Variants in KITLG observed in about 807,000 individuals in gnomAD.
KITLG encodes c-Kit ligand.
KITLG carries 13 observed loss-of-function variants against 34.1 expected under a neutral mutation model. The ratio of observed to expected loss-of-function variants is 0.38; its 90% confidence interval spans 0.25 to 0.61. The LOEUF (loss-of-function observed/expected upper bound fraction) is 0.61. Ranked by LOEUF, KITLG falls within the 20% of genes least tolerant of loss-of-function variation. The pLI, the probability that KITLG is intolerant of heterozygous loss-of-function variation, is 0.60. For missense variants in KITLG, 292 were observed against 318.9 expected, an observed-to-expected ratio of 0.92 and a Z score of 0.64; for synonymous variants, 110 against 104.0, an observed-to-expected ratio of 1.06 and a Z score of -0.35.
intron 6 of KITLG, among the ~76,000 whole-genome samples, chr12:88,512,136 A>C (rs1869299818): frequency 6.6e-6 from 1 of 152,222 alleles, no homozygotes; most frequent in Non-Finnish European, 1.5e-5. Flanking sequence ...TATTATATTT[A>C]AGTGACAAAA....
intron 4 of KITLG, among the ~76,000 whole-genome samples, chr12:88,517,777 A>C (rs1308762765): frequency 1.3e-5 from 2 of 152,172 alleles, no homozygotes; most frequent in African/African-American, 4.8e-5. Flanking sequence ...GGTAAGAATT[A>C]TAAGATAGGA....
At chr12:88,536,808 G>A (rs1870335510) in intron 2 of KITLG, among the ~76,000 whole-genome samples, 1 of 152,022 alleles carries the variant, frequency 6.6e-6, no homozygotes, top group Admixed American at 6.6e-5. Flanking sequence ...CACAGGGAGG[G>A]AAACATCACA....
intron 1 of KITLG, among the ~76,000 whole-genome samples, chr12:88,560,194 C>T (rs1171436661): frequency 6.6e-6 from 1 of 152,162 alleles, no homozygotes; most frequent in African/African-American, 2.4e-5. Context: ...TCTATGAGAA[C>T]ATTACATGAC....
At chr12:88,533,926 G>T (rs548721654) in intron 2 of KITLG, among the ~76,000 whole-genome samples, 54 of 152,210 alleles carry the variant, frequency 3.5e-4, no homozygotes, top group African/African-American at 1.3e-3. Flanking sequence ...CCTACTTCCA[G>T]TAATGCCACC....
intron 3 of KITLG, among the ~76,000 whole-genome samples, chr12:88,531,088 A>T (rs1452107726): frequency 6.6e-6 from 1 of 152,228 alleles, no homozygotes; most frequent in Non-Finnish European, 1.5e-5. Context: ...AGTCAACATA[A>T]AACAACTTGT....
intron 2 of KITLG, among the ~76,000 whole-genome samples, chr12:88,534,987 A>C (rs1870255928): frequency 6.6e-6 from 1 of 152,200 alleles, no homozygotes; most frequent in African/African-American, 2.4e-5. Flanking sequence ...AGAAAAACGC[A>C]GCAAGAAGTG....
intron 1 of KITLG, among the ~76,000 whole-genome samples, chr12:88,565,898 C>T (rs181040471): frequency 6.6e-6 from 1 of 152,256 alleles, no homozygotes; most frequent in Non-Finnish European, 1.5e-5. Flanking sequence ...GAATAAGCAT[C>T]GGAAATCAAC....
chr12:88,536,851 C>T lies in KITLG; in HGVS notation c.130-4348G>A, dbSNP rs73439020. 1.9e-3 allele frequency among the ~76,000 whole-genome samples: 295 copies of T among 151,976 alleles called. 4 individuals carry two copies. Among genetic ancestry groups the T allele is most frequent in the African/African-American group, 6.7e-3 (279 of 41,444 alleles). ...GCCTGTTGGGTATTGGGGGGCTAGGCGAAGGATAGCACTAGGAGAAATACC... is the reference window on the plus strand; with the variant it reads ...GCCTGTTGGGTATTGGGGGGCTAGGTGAAGGATAGCACTAGGAGAAATACC... On this transcript the variant is annotated intron_variant, in intron 2 of 9. Coordinates refer to ENST00000644744, the MANE Select transcript of KITLG (RefSeq NM_000899.5).
intron 5 of KITLG, 43 bp from the exon 6 acceptor site, chr12:88,515,660 G>T: frequency 1.4e-6 from 2 of 1,431,536 alleles, no homozygotes; most frequent in Non-Finnish European, 2.0e-6. Flanking sequence ...ATGGTGATTT[G>T]TATGAGTTAT....
At chr12:88,533,518 C>T (rs542153878) in intron 2 of KITLG, among the ~76,000 whole-genome samples, 8 of 152,158 alleles carry the variant, frequency 5.3e-5, no homozygotes, top group Non-Finnish European at 1.0e-4. Context: ...ACCAACTTTG[C>T]TGTCCGCAAC....
chr12:88,516,101 T>G (rs536239181), intron 5 of KITLG, among the ~76,000 whole-genome samples: 1 of 151,818 alleles, frequency 6.6e-6, no homozygotes, highest in African/African-American at 2.4e-5. Context: ...GGCCATCTCA[T>G]ATATTGTTTA....
chr12:88,554,048 G>T (rs535031132), intron 1 of KITLG, among the ~76,000 whole-genome samples: 20 of 152,250 alleles, frequency 1.3e-4, no homozygotes, highest in Admixed American at 3.3e-4. Context: ...TGAACACAGA[G>T]CTTTCCTTAC....
chr12:88,528,135 G>A (rs1869948126), intron 3 of KITLG, among the ~76,000 whole-genome samples: 1 of 152,144 alleles, frequency 6.6e-6, no homozygotes, highest in Admixed American at 6.5e-5. Context: ...TGCTGTAAAG[G>A]AAAAATCATT....
At chr12:88,551,974 C>T (rs1355316192) in intron 1 of KITLG, among the ~76,000 whole-genome samples, 1 of 151,974 alleles carries the variant, frequency 6.6e-6, no homozygotes, top group Non-Finnish European at 1.5e-5. Flanking sequence ...GAAATGTGAC[C>T]TGAAAAGGAC....
At chr12:88,518,972 C>T (rs1869560176) in intron 3 of KITLG, 105 bp from the exon 4 acceptor site, 1 of 973,066 alleles carries the variant, frequency 1.0e-6, no homozygotes, top group Non-Finnish European at 1.6e-6. Context: ...AAGTGATTCT[C>T]CTGCCTCAGC....
chr12:88,518,642 G>T, intron 4 of KITLG, 55 bp downstream of exon 4: 1 of 1,388,966 alleles, frequency 7.2e-7, no homozygotes. Flanking sequence ...GCACCAAGAA[G>T]CATGGGTTTT....
chr12:88,553,120 T>G (rs1178329661), intron 1 of KITLG, among the ~76,000 whole-genome samples: 1 of 152,228 alleles, frequency 6.6e-6, no homozygotes, highest in East Asian at 1.9e-4. Context: ...CTTTAGCACA[T>G]GAATATTTTG....
At position 88,519,308 on chromosome 12, in the gene KITLG, T is replaced by C. The variant is rs189218538; in HGVS notation, c.193-441A>G. ...GGACTCTTGTAACAGGAGGAGGAGG[T>C]TGTAAGTTTGCATGCTTTATATGAT... On this transcript the variant is annotated intron_variant, in intron 3 of 9. Transcript: ENST00000644744. 3.9e-4 allele frequency among the ~76,000 whole-genome samples: 60 copies of C among 152,042 alleles called. 1 individual carries two copies. Among genetic ancestry groups the C allele is most frequent in the South Asian group, 2.5e-3 (12 of 4,800 alleles).
chr12:88,569,885 TA>T (rs1264508409), intron 1 of KITLG, among the ~76,000 whole-genome samples: 2 of 152,270 alleles, frequency 1.3e-5, no homozygotes, highest in South Asian at 2.1e-4. Context: ...ATGCAGAAAA[TA>T]TTTTTTTTAA....
Sources: allele counts gnomAD v4.1 joint callset (sites outside exome capture counted in the v4.1 genomes callset), GRCh38; gene constraint gnomAD v4.1.1; transcripts MANE v1.5; gene names NCBI Gene and HGNC (gene_info 2026-07-23, HGNC 2026-07-21).